The following ASB18 variants were observed in gnomAD, a reference collection of about 807,000 sequenced individuals.
ASB18 encodes ankyrin repeat and SOCS box containing 18.
Under a neutral mutation model 33.4 loss-of-function variants are expected in ASB18, and 33 were observed. That is an observed-to-expected ratio of 0.99 (90% CI 0.75 to 1.32). ASB18 has a LOEUF of 1.32. Among genes scored for constraint, ASB18 ranks in the 40% most tolerant of loss-of-function variants. ASB18 has a pLI of 0.00. For synonymous variants in ASB18, 295 were observed against 307.6 expected (o/e 0.96, Z 0.43); for missense variants, 694 against 655.5 (o/e 1.06, Z -0.64).
At position 236,217,804 on chromosome 2, in the gene ASB18, T is replaced by C. The variant is rs554771085; in HGVS notation, c.597-2938A>G. ...ATCTTTACAAACAAGTACAGTTTGA[T>C]GTGGAGTCCTTTGGGACCAGGACTG... On this transcript the variant is annotated intron_variant, in intron 3 of 5. Transcript: ENST00000409749. This position sits in a 1 kb window ranked among gnomAD's most constrained non-coding sequence, Gnocchi z 5.2. Among the ~76,000 whole-genome samples the C allele has an allele frequency of 2.6e-5, 4 of 152,318 alleles. No homozygotes were observed. The highest frequency in any genetic ancestry group is 1.3e-4 in the Admixed American group (2 of 15,292).
chr2:236,204,452 T>C lies in ASB18; in HGVS notation c.1102-8067A>G, dbSNP rs2060423279. ...TCGACCATCCCTGCATTCAGGCCTG[T>C]TCCTCTTTTCCGTTTACTCTCACTT... On this transcript the variant is annotated intron_variant, in intron 4 of 5. Coordinates refer to ENST00000409749, the MANE Select transcript of ASB18 (RefSeq NM_212556.4). This position sits in a 1 kb window ranked among gnomAD's most constrained non-coding sequence, Gnocchi z 5.1. Among the ~76,000 whole-genome samples, 1 of 151,630 alleles carries C rather than the reference T, an allele frequency of 6.6e-6. No homozygotes were observed. The highest frequency in any genetic ancestry group is 1.5e-5 in the Non-Finnish European group (1 of 67,862).
chr2:236,236,003 T>C (rs1015387042), intron 3 of ASB18, among the ~76,000 whole-genome samples: 8 of 152,358 alleles, frequency 5.3e-5, no homozygotes, highest in Admixed American at 2.6e-4. Flanking sequence ...CTAACAGTTA[T>C]GTTCTTAATC....
chr2:236,252,308 CAGT>C lies in ASB18; in HGVS notation c.206-10909_206-10907del, dbSNP rs2060672091. On this transcript the variant is annotated intron_variant, in intron 1 of 5. Coordinates refer to ENST00000409749, the MANE Select transcript of ASB18 (RefSeq NM_212556.4). This position sits in a 1 kb window ranked among gnomAD's most constrained non-coding sequence, Gnocchi z 7.9. ...ACACACACACACACACACACACACACAGTAGAAATCCTTGCCTTTAAGGAGTGT... is the reference window on the plus strand; with the variant it reads ...ACACACACACACACACACACACACACAGAAATCCTTGCCTTTAAGGAGTGT... Among the ~76,000 whole-genome samples, 1 of 146,864 alleles carries C rather than the reference CAGT, an allele frequency of 6.8e-6. No individual in the cohort carries two copies. Among genetic ancestry groups the C allele is most frequent in the Non-Finnish European group, 1.5e-5 (1 of 67,420 alleles).
chr2:236,259,667 T>TG lies in ASB18; in HGVS notation c.205+4473dup, dbSNP rs1488139682. ...GGATGGGGATGCTGACTGTAGAGCG[T>TG]GGGGGGCTCAGCCTCAGTGAGCCCA... On this transcript the variant is annotated intron_variant, in intron 1 of 5. Coordinates refer to ENST00000409749, the MANE Select transcript of ASB18 (RefSeq NM_212556.4). The surrounding 1 kb of genome is among the most constrained non-coding windows in gnomAD (Gnocchi z 4.4). 2.2e-6 allele frequency: 1 copy of TG among 455,140 alleles called. No homozygotes were observed. Among genetic ancestry groups the TG allele is most frequent in the Non-Finnish European group, 4.6e-6 (1 of 217,152 alleles). 28.2% of individuals were successfully genotyped at this position (455,140 alleles called of 1,614,324 possible). A position where few individuals can be genotyped will look rare whatever the true frequency, so the allele number is the denominator to read the frequency against.
In ASB18 at chr2:236,225,368, C is replaced by T. The variant is rs2060532206; in HGVS notation, c.597-10502G>A. On this transcript the variant is annotated intron_variant, in intron 3 of 5. Transcript: ENST00000409749. The surrounding 1 kb of genome is among the most constrained non-coding windows in gnomAD (Gnocchi z 5.1). The stretch of plus-strand genomic sequence containing the variant: ...GCTCAAGCGATCCTCTAGCCTTGGC[C>T]TCCTAAAATGATGGGATTACAGGCA... Among the ~76,000 whole-genome samples the T allele has an allele frequency of 6.6e-6, 1 of 152,180 alleles. No individual in the cohort carries two copies. The highest frequency in any genetic ancestry group is 1.5e-5 in the Non-Finnish European group (1 of 68,038).
rs1004988956 is a variant in ASB18, at chr2:236,262,597, C to CG, written c.205+1543dup. 9.2e-5 allele frequency among the ~76,000 whole-genome samples: 14 copies of CG among 152,262 alleles called. No homozygotes were observed. The highest frequency in any genetic ancestry group is 1.9e-4 in the East Asian group (1 of 5,178). On this transcript the variant is annotated intron_variant, in intron 1 of 5. Transcript: ENST00000409749. The surrounding 1 kb of genome is among the most constrained non-coding windows in gnomAD (Gnocchi z 5.2). ...TGATGCAGTTTGCAGAGATCAGCCT[C>CG]GGGGGGGTGCTTGGGCACGGTGGGC...
rs898789818 is a variant in ASB18 at position 236,216,247 on chromosome 2, C to A, written c.597-1381G>T. On this transcript the variant is annotated intron_variant, in intron 3 of 5. Transcript: ENST00000409749. The surrounding 1 kb of genome is among the most constrained non-coding windows in gnomAD (Gnocchi z 6.1). ...GTTAAGGCCACCTCCTCATGCCTTG[C>A]TCTCCACTAACCACTCCTAATGTTG... Among the ~76,000 whole-genome samples, 6 of 152,222 alleles carry A rather than the reference C, an allele frequency of 3.9e-5. No individual in the cohort carries two copies.
chr2:236,218,264 C>G (rs911584956), intron 3 of ASB18, among the ~76,000 whole-genome samples: 6 of 152,164 alleles, frequency 3.9e-5, no homozygotes, highest in African/African-American at 1.4e-4. Flanking sequence ...TAAACCTTGG[C>G]ACTTTTTTAG....
Position 236,225,749 on chromosome 2 carries a change from G to A in ASB18, c.597-10883C>T, listed in dbSNP as rs2060534311. Reference sequence around the variant, plus strand: ...AAAGCTCTGATATCCCTTTCAGTGTGTTGAATTCTGAATTCTGAAGCTTGC... The same window carrying A: ...AAAGCTCTGATATCCCTTTCAGTGTATTGAATTCTGAATTCTGAAGCTTGC... On this transcript the variant is annotated intron_variant, in intron 3 of 5. Coordinates refer to ENST00000409749, the MANE Select transcript of ASB18 (RefSeq NM_212556.4). This position sits in a 1 kb window ranked among gnomAD's most constrained non-coding sequence, Gnocchi z 5.1. Among the ~76,000 whole-genome samples the A allele has an allele frequency of 6.6e-6, 1 of 151,768 alleles. No homozygotes were observed. Among genetic ancestry groups the A allele is most frequent in the South Asian group, 2.1e-4 (1 of 4,804 alleles).
chr2:236,248,307 A>G lies in ASB18; in HGVS notation c.206-6905T>C, dbSNP rs905176914. On this transcript the variant is annotated intron_variant, in intron 1 of 5. Coordinates refer to ENST00000409749, the MANE Select transcript of ASB18 (RefSeq NM_212556.4). The surrounding 1 kb of genome is among the most constrained non-coding windows in gnomAD (Gnocchi z 4.9). ...GCAACAGGACTGTTAAAAAGTCCCC[A>G]GGTGGCTGGATGTGGTGGCTCATGC... 2.6e-5 allele frequency: 4 copies of G among 152,236 alleles called. No individual in the cohort carries two copies. The highest frequency in any genetic ancestry group is 4.4e-5 in the Non-Finnish European group (3 of 68,066). 9.4% of individuals were successfully genotyped at this position (152,236 alleles called of 1,614,324 possible).
At position 236,262,087 on chromosome 2, in the gene ASB18, A is replaced by G. The variant is rs562005518; in HGVS notation, c.205+2054T>C. ...TGTGGAAGGAATGTAACTTTCTTAT[A>G]ACAATTTTCATAGTTTCAAGTGTTT... On this transcript the variant is annotated intron_variant, in intron 1 of 5. Coordinates refer to ENST00000409749, the MANE Select transcript of ASB18 (RefSeq NM_212556.4). This position sits in a 1 kb window ranked among gnomAD's most constrained non-coding sequence, Gnocchi z 5.2. Among the ~76,000 whole-genome samples the G allele has an allele frequency of 6.6e-6, 1 of 152,316 alleles. No homozygotes were observed. Among genetic ancestry groups the G allele is most frequent in the South Asian group, 2.1e-4 (1 of 4,834 alleles).
In ASB18 at chr2:236,237,334, CGCGGGGGCCGGGGCCGGGGCGCGGG is replaced by C. The variant is rs1220089332; in HGVS notation, c.596+330_596+354del. Reference sequence around the variant, plus strand: ...CTCGCAATCAAGCGCTAATTAAACCCGCGGGGGCCGGGGCCGGGGCGCGGGGCGGGGGCCGGGGCCGGGGCGCGGG... The same window carrying C: ...CTCGCAATCAAGCGCTAATTAAACCCGCGGGGGCCGGGGCCGGGGCGCGGG... On this transcript the variant is annotated intron_variant, in intron 3 of 5. Transcript: ENST00000409749. This position sits in a 1 kb window ranked among gnomAD's most constrained non-coding sequence, Gnocchi z 6.2. Among the ~76,000 whole-genome samples, 25,700 of 115,380 alleles carry C rather than the reference CGCGGGGGCCGGGGCCGGGGCGCGGG, an allele frequency of 0.22. 7,197 individuals carry two copies. Among genetic ancestry groups the C allele is most frequent in the Admixed American group, 0.34 (3,759 of 10,998 alleles). 75.7% of individuals were successfully genotyped at this position (115,380 alleles called of 152,430 possible). A position where few individuals can be genotyped will look rare whatever the true frequency, so the allele number is the denominator to read the frequency against.
chr2:236,232,363 T>A (rs1213665625), intron 3 of ASB18, among the ~76,000 whole-genome samples: 1 of 151,942 alleles, frequency 6.6e-6, no homozygotes, highest in Non-Finnish European at 1.5e-5. Context: ...TAGTGAGATA[T>A]GTATAGCACT....
At chr2:236,206,605 G>A (rs10929167) in intron 4 of ASB18, among the ~76,000 whole-genome samples, 26,170 of 152,154 alleles carry the variant, frequency 0.17, 2,275 homozygotes, top group South Asian at 0.25. Context: ...ATAAAAAGAT[G>A]CATTTCCTTA....
chr2:236,217,424 A>T lies in ASB18; in HGVS notation c.597-2558T>A, dbSNP rs11693166. Among the ~76,000 whole-genome samples, 407 of 150,406 alleles carry T rather than the reference A, an allele frequency of 2.7e-3. 3 individuals carry two copies. The highest frequency in any genetic ancestry group is 0.01 in the Middle Eastern group (3 of 292). ...CGAGACTCTGTCTCAAAAAAAAAAA[A>T]AAATAAATCTTGGCACCTTCAACTC... On this transcript the variant is annotated intron_variant, in intron 3 of 5. Coordinates refer to ENST00000409749, the MANE Select transcript of ASB18 (RefSeq NM_212556.4). The surrounding 1 kb of genome is among the most constrained non-coding windows in gnomAD (Gnocchi z 5.2).
At position 236,239,357 on chromosome 2, in the gene ASB18, G is replaced by A. The variant is rs2060610737; in HGVS notation, c.329-1401C>T. Among the ~76,000 whole-genome samples, 1 of 150,670 alleles carries A rather than the reference G, an allele frequency of 6.6e-6. No individual in the cohort carries two copies. Among genetic ancestry groups the A allele is most frequent in the South Asian group, 2.2e-4 (1 of 4,642 alleles). ...TCTTCTCAGGGACTGATGGGGAGAAGCCATAGGTGGGGATCTAGCTCAGCC... is the reference window on the plus strand; with the variant it reads ...TCTTCTCAGGGACTGATGGGGAGAAACCATAGGTGGGGATCTAGCTCAGCC... On this transcript the variant is annotated intron_variant, in intron 2 of 5. Transcript: ENST00000409749. The surrounding 1 kb of genome is among the most constrained non-coding windows in gnomAD (Gnocchi z 5.6).
Position 236,238,005 on chromosome 2 carries a change from TGG to T in ASB18, c.329-51_329-50del. On this transcript the variant is annotated intron_variant, in intron 2 of 5. Transcript: ENST00000409749. The surrounding 1 kb of genome is among the most constrained non-coding windows in gnomAD (Gnocchi z 5.2). ...AAGGTCAGGGGGAGGTTAGTTGTGG[TGG>T]TGGTGGGCGGTGTTCCTTAAGGCGG... The T allele has an allele frequency of 2.1e-6, 3 of 1,418,116 alleles. No homozygotes were observed. The highest frequency in any genetic ancestry group is 2.7e-6 in the Non-Finnish European group (3 of 1,090,922). 87.8% of individuals were successfully genotyped at this position (1,418,116 alleles called of 1,614,324 possible).
rs1045313502 is a variant in ASB18 at position 236,196,815 on chromosome 2, T to C, written c.1102-430A>G. Among the ~76,000 whole-genome samples, 2 of 152,214 alleles carry C rather than the reference T, an allele frequency of 1.3e-5. No individual in the cohort carries two copies. Among genetic ancestry groups the C allele is most frequent in the South Asian group, 2.1e-4 (1 of 4,824 alleles). On this transcript the variant is annotated intron_variant, in intron 4 of 5. Coordinates refer to ENST00000409749, the MANE Select transcript of ASB18 (RefSeq NM_212556.4). This position sits in a 1 kb window ranked among gnomAD's most constrained non-coding sequence, Gnocchi z 5.6. ...CTCAATTTTCAGATGTGTCAGGAAATTGAGAATTGGGGAAGAGGAATTGTT... is the reference window on the plus strand; with the variant it reads ...CTCAATTTTCAGATGTGTCAGGAAACTGAGAATTGGGGAAGAGGAATTGTT...
chr2:236,202,801 A>G (rs965267246), intron 4 of ASB18, among the ~76,000 whole-genome samples: 3 of 129,710 alleles, frequency 2.3e-5, no homozygotes, highest in African/African-American at 3.3e-5. Flanking sequence ...AAAAATATAT[A>G]TATATATATA....
Sources: allele counts gnomAD v4.1 joint callset (sites outside exome capture counted in the v4.1 genomes callset), GRCh38; gene constraint gnomAD v4.1.1; non-coding constraint Gnocchi (gnomAD v3.1); transcripts MANE v1.5; gene names NCBI Gene and HGNC (gene_info 2026-07-23, HGNC 2026-07-21).